XYLT1: variants seen among roughly 807,000 people sequenced by gnomAD.
XYLT1 encodes the protein beta-D-xylosyltransferase 1.
A neutral mutation model predicts 91.3 loss-of-function variants in XYLT1; 36 were observed. The observed-to-expected ratio is 0.39, with a 90% CI of 0.30 to 0.52. The LOEUF is 0.52. Ranked by LOEUF, XYLT1 falls within the 20% of genes least tolerant of loss-of-function variation. The probability of loss-of-function intolerance (pLI) is 0.68; values close to 1 mark genes in which losing one functional copy is unlikely to be tolerated. For missense variants in XYLT1, 1,242 were observed against 1,284.5 expected (o/e 0.97, Z 0.51); for synonymous variants, 588 against 532.0 (o/e 1.11, Z -1.45).
intron 8 of XYLT1, among the ~76,000 whole-genome samples, chr16:17,135,364 T>C (rs2030674647): frequency 6.6e-6 from 1 of 152,064 alleles, no homozygotes; most frequent in Admixed American, 6.6e-5. Context: ...CTCTGGGACT[T>C]TGAAAAATTC....
chr16:17,379,763 TCACACACACACACACA>T (rs71137987), intron 1 of XYLT1, among the ~76,000 whole-genome samples: 4 of 125,546 alleles, frequency 3.2e-5, no homozygotes, highest in African/African-American at 1.3e-4. Context: ...TCTCTCTCTC[TCACACACACACACACA>T]CACACACACA....
chr16:17,253,013 A>G (rs2033566432), intron 3 of XYLT1, among the ~76,000 whole-genome samples: 1 of 152,204 alleles, frequency 6.6e-6, no homozygotes, highest in African/African-American at 2.4e-5. Flanking sequence ...TTTAGCAAAG[A>G]AATAAAAGGA....
intron 1 of XYLT1, among the ~76,000 whole-genome samples, chr16:17,457,002 C>T (rs1596556155): frequency 2.0e-5 from 3 of 152,204 alleles, no homozygotes; most frequent in South Asian, 4.2e-4. Context: ...CCCCAACAGC[C>T]ATCTTGTGGG....
intron 1 of XYLT1, among the ~76,000 whole-genome samples, chr16:17,408,971 C>T (rs2036067987): frequency 1.3e-5 from 2 of 152,152 alleles, no homozygotes; most frequent in Non-Finnish European, 2.9e-5. Context: ...ATTTAGACAG[C>T]GTTGAGAACC....
intron 1 of XYLT1, among the ~76,000 whole-genome samples, chr16:17,400,671 G>C (rs950039982): frequency 1.5e-5 from 2 of 130,636 alleles, no homozygotes; most frequent in Non-Finnish European, 3.3e-5. Context: ...AAGGAAGGAA[G>C]GAAGGAACTA....
intron 5 of XYLT1, among the ~76,000 whole-genome samples, chr16:17,191,568 G>C (rs1482413280): frequency 6.6e-6 from 1 of 152,234 alleles, no homozygotes; most frequent in Admixed American, 6.5e-5. Context: ...GGGCCCTGAA[G>C]AGGGCCCAGC....
chr16:17,118,204 C>A (rs1041693078), intron 10 of XYLT1, among the ~76,000 whole-genome samples: 10 of 152,160 alleles, frequency 6.6e-5, no homozygotes, highest in African/African-American at 2.4e-4. Context: ...TTTTATTAAA[C>A]CACCGGGCCT....
In XYLT1 at chr16:17,317,540, G is replaced by A. The variant is rs139715483; in HGVS notation, c.402+40472C>T. On this transcript the variant is annotated intron_variant, in intron 2 of 11. Coordinates refer to ENST00000261381, the MANE Select transcript of XYLT1 (RefSeq NM_022166.4). ...AGGTACCTGGGAGGCTGAGGTGGGAGGATGGCTTGAGCCCAGGAGATCGAG... is the reference window on the plus strand; with the variant it reads ...AGGTACCTGGGAGGCTGAGGTGGGAAGATGGCTTGAGCCCAGGAGATCGAG... Among the ~76,000 whole-genome samples the A allele has an allele frequency of 2.5e-3, 371 of 150,112 alleles. 3 individuals are homozygous for A. In the East Asian group the frequency reaches 0.032, roughly 13 times the overall value.
intron 1 of XYLT1, among the ~76,000 whole-genome samples, chr16:17,464,146 T>C (rs1380246513): frequency 1.3e-5 from 2 of 151,332 alleles, no homozygotes; most frequent in Non-Finnish European, 2.9e-5. Context: ...TAGTGTTTGG[T>C]AGTCCAGTAG....
chr16:17,456,027 A>G (rs1321549047), intron 1 of XYLT1, among the ~76,000 whole-genome samples: 3 of 152,174 alleles, frequency 2.0e-5, no homozygotes, highest in Non-Finnish European at 2.9e-5. Flanking sequence ...TCAGCAACTT[A>G]TCAAAATATT....
At chr16:17,443,738 T>C (rs1382124799) in intron 1 of XYLT1, among the ~76,000 whole-genome samples, 1 of 152,178 alleles carries the variant, frequency 6.6e-6, no homozygotes, top group Non-Finnish European at 1.5e-5. Context: ...TCTTAACCTA[T>C]CTAGCAGGAG....
intron 1 of XYLT1, among the ~76,000 whole-genome samples, chr16:17,411,084 C>A (rs539584835): frequency 6.6e-6 from 1 of 152,320 alleles, no homozygotes; most frequent in East Asian, 1.9e-4. Flanking sequence ...GAACCCTGCT[C>A]CCCAGCCCTT....
At chr16:17,140,724 TA>T (rs1327400447) in intron 7 of XYLT1, among the ~76,000 whole-genome samples, 1 of 144,658 alleles carries the variant, frequency 6.9e-6, no homozygotes, top group African/African-American at 2.6e-5. Context: ...AGGGTCAGCA[TA>T]TACAGTTGTG....
At chr16:17,322,267 C>A (rs114455683) in intron 2 of XYLT1, among the ~76,000 whole-genome samples, 281 of 152,276 alleles carry the variant, frequency 1.8e-3, no homozygotes, top group African/African-American at 6.3e-3. Context: ...GCTACCCCAA[C>A]AGATTAATGA....
chr16:17,197,981 A>C, intron 5 of XYLT1: 1 of 589,970 alleles, frequency 1.7e-6, no homozygotes, highest in South Asian at 2.0e-5. Flanking sequence ...TGTTTAGTGC[A>C]CTGGCATATC....
At position 17,200,653 on chromosome 16, in the gene XYLT1, A is replaced by T; in HGVS notation, c.915T>A (p.Gly305=). 6.2e-7 allele frequency: 1 copy of T among 1,611,822 alleles called. No homozygotes were observed. The highest frequency in any genetic ancestry group is 8.5e-7 in the Non-Finnish European group (1 of 1,178,084). The change falls in exon 4 of 12, where the codon GGT becomes GGA. Residue 305 remains glycine, a splice_region_variant and synonymous_variant. Transcript: ENST00000261381. ...CCCACTGCACGTTCTTGTTGGCTTTACCTGGGGAAAATCCAAGAGAACAGA... is the reference window on the plus strand; with the variant it reads ...CCCACTGCACGTTCTTGTTGGCTTTTCCTGGGGAAAATCCAAGAGAACAGA... ...EKVTRFCPLE[G]KANKNVQWDE...
intron 1 of XYLT1, among the ~76,000 whole-genome samples, chr16:17,385,122 C>T (rs1277529640): frequency 6.6e-6 from 1 of 151,748 alleles, no homozygotes; most frequent in Non-Finnish European, 1.5e-5. Flanking sequence ...AGCAGAGAGA[C>T]ATGATCCGAT....
intron 2 of XYLT1, among the ~76,000 whole-genome samples, chr16:17,332,562 A>C (rs1170745014): frequency 1.1e-5 from 1 of 87,526 alleles, no homozygotes; most frequent in Non-Finnish European, 2.4e-5. Flanking sequence ...AGTCCATCAC[A>C]CACATACACA....
chr16:17,354,454 G>A (rs929572183), intron 2 of XYLT1, among the ~76,000 whole-genome samples: 3 of 152,164 alleles, frequency 2.0e-5, no homozygotes, highest in African/African-American at 4.8e-5. Context: ...CAATTCACAC[G>A]AGGGAGAGAG....
Sources: gnomAD v4.1 joint callset for allele counts (sites outside exome capture counted in the v4.1 genomes callset) on GRCh38, gnomAD v4.1.1 for gene constraint, MANE v1.5 for transcripts, NCBI Gene and HGNC (gene_info 2026-07-23, HGNC 2026-07-21) for gene names.